GRTP1: variants seen among roughly 807,000 people sequenced by gnomAD.
GRTP1 encodes growth hormone-regulated TBC protein 1.
Under a neutral mutation model 38.1 loss-of-function variants are expected in GRTP1, and 56 were observed. The ratio of observed to expected loss-of-function variants is 1.47; its 90% CI spans 1.19 to 1.84. The LOEUF is 1.84. Among genes scored for constraint, GRTP1 ranks in the 40% most tolerant of loss-of-function variants. GRTP1 has a pLI of 0.00. For missense variants in GRTP1, 506 were observed against 453.9 expected (o/e 1.11, Z -1.04); for synonymous variants, 217 against 189.5 (o/e 1.14, Z -1.19).
intron 5 of GRTP1, among the ~76,000 whole-genome samples, chr13:113,338,907 G>T (rs1028323235): frequency 4.6e-5 from 5 of 109,344 alleles, no homozygotes; most frequent in African/African-American, 1.5e-4. Context: ...TTTCTGCTTA[G>T]ATTTTTTTTT....
chr13:113,353,670 G>A (rs1409658494), intron 3 of GRTP1, among the ~76,000 whole-genome samples: 7 of 152,164 alleles, frequency 4.6e-5, no homozygotes, highest in Non-Finnish European at 1.0e-4. Flanking sequence ...GCCAGGGGCT[G>A]GGTGAGGACA....
At chr13:113,326,148 C>A (rs1048071703) in intron 5 of GRTP1, 57 bp from the exon 6 acceptor site, 3 of 1,586,484 alleles carry the variant, frequency 1.9e-6, no homozygotes, top group Non-Finnish European at 8.5e-7. Context: ...CCACAAGCCC[C>A]ATTCCCCTCA....
chr13:113,354,418 C>T (rs941216662), intron 3 of GRTP1, among the ~76,000 whole-genome samples: 2 of 152,172 alleles, frequency 1.3e-5, no homozygotes, highest in Non-Finnish European at 2.9e-5. Context: ...TTTAAAGCCA[C>T]TGGGTTTTTT....
chr13:113,346,490 G>GAGA (rs2043138149), intron 4 of GRTP1, among the ~76,000 whole-genome samples: 1 of 8,308 alleles, frequency 1.2e-4, no homozygotes, highest in African/African-American at 1.3e-4. Flanking sequence ...CTCTGTGCCT[G>GAGA]ACAGTGGACC....
rs9577231 is a variant in GRTP1, at chr13:113,325,069, A to G, written c.922-492T>C. The G allele has an allele frequency of 2.6e-3, 2,474 of 953,132 alleles. 133 individuals are homozygous for G. The East Asian group carries it at 0.14, about 54-fold the overall frequency. The allele number at this position is 953,132 out of a possible 1,614,324, so 59.0% of individuals were successfully genotyped here. A position where few individuals can be genotyped will look rare whatever the true frequency, so the allele number is the denominator to read the frequency against. On this transcript the variant is annotated intron_variant, in intron 7 of 7. Transcript: ENST00000375431. The stretch of plus-strand genomic sequence containing the variant: ...GGTCTTGAACTCCTGACCTCAGGTG[A>G]TCCACACGCCTTGGCCTCCCAAAGT...
Position 113,348,794 on chromosome 13 carries a change from G to C in GRTP1, c.465+2055C>G, listed in dbSNP as rs930108045. On this transcript the variant is annotated intron_variant, in intron 4 of 7. Coordinates refer to ENST00000375431, the MANE Select transcript of GRTP1 (RefSeq NM_024719.4). The surrounding 1 kb of genome is among the most constrained non-coding windows in gnomAD (Gnocchi z 4.8). ...GGACAGTCCGTCCGTCACAGCCTCAGAAAGAACCCGCCCCGCAGACGCCGC... is the reference window on the plus strand; with the variant it reads ...GGACAGTCCGTCCGTCACAGCCTCACAAAGAACCCGCCCCGCAGACGCCGC... 6.6e-6 allele frequency among the ~76,000 whole-genome samples: 1 copy of C among 152,180 alleles called. No individual in the cohort carries two copies. The highest frequency in any genetic ancestry group is 2.4e-5 in the African/African-American group (1 of 41,444).
chr13:113,325,833 A>C lies in GRTP1; in HGVS notation c.749T>G (p.Ile250Ser). Residue 250 changes from isoleucine to serine, a missense_variant, in exon 7 of 8, where the codon ATC (isoleucine) becomes AGC (serine). Physicochemically the swap from Ile to Ser is moderately radical, Grantham distance 142 (BLOSUM62 -2). Transcript: ENST00000375431. Reference protein sequence around the residue: ...DILPVETVLRIWDCLFNEGSK... With the variant: ...DILPVETVLRSWDCLFNEGSK... ...GCCTTCGTTAAACAAACAGTCCCAG[A>C]TCCGAAGCACTGTCTGCAGAGACAT... The C allele has an allele frequency of 1.2e-6, 2 of 1,613,996 alleles. No individual in the cohort carries two copies. Among genetic ancestry groups the C allele is most frequent in the Non-Finnish European group, 1.7e-6 (2 of 1,179,952 alleles).
intron 5 of GRTP1, among the ~76,000 whole-genome samples, chr13:113,332,865 C>T (rs895821935): frequency 1.3e-5 from 2 of 152,224 alleles, no homozygotes; most frequent in Non-Finnish European, 2.9e-5. Context: ...AAGAGGCTCC[C>T]GCTGGCCACA....
chr13:113,327,747 C>G (rs1464811265), intron 5 of GRTP1, among the ~76,000 whole-genome samples: 1 of 152,206 alleles, frequency 6.6e-6, no homozygotes, highest in Non-Finnish European at 1.5e-5. Flanking sequence ...TGAGCACATA[C>G]CGTTCCAGCT....
At chr13:113,326,272 G>A (rs113680829) in intron 5 of GRTP1, among the ~76,000 whole-genome samples, 181 bp from the exon 6 acceptor site, 4,452 of 151,320 alleles carry the variant, frequency 0.029, 144 homozygotes, top group East Asian at 0.12. Flanking sequence ...CATGGGGAGC[G>A]ACCCCCACAG....
At chr13:113,363,326 G>A (rs939844068) in intron 2 of GRTP1, among the ~76,000 whole-genome samples, 32 of 152,348 alleles carry the variant, frequency 2.1e-4, no homozygotes, top group African/African-American at 7.7e-4. Context: ...TCCTGCCTCA[G>A]CCTCCAGAGT....
rs2043113344 is a variant in GRTP1, at chr13:113,346,131, GACAAGAGCAGACCCGGGAGGACCT to G, written c.466-1196_466-1173del. The stretch of plus-strand genomic sequence containing the variant: ...GAACAGACCCGGGAGGACCTCTGTG[GACAAGAGCAGACCCGGGAGGACCT>G]CTGTGCCTGACAGTGGACCCGGGAG... On this transcript the variant is annotated intron_variant, in intron 4 of 7. Transcript: ENST00000375431. Among the ~76,000 whole-genome samples, 5 of 130,234 alleles carry G rather than the reference GACAAGAGCAGACCCGGGAGGACCT, an allele frequency of 3.8e-5. 1 individual carries two copies. The highest frequency in any genetic ancestry group is 2.6e-4 in the East Asian group (1 of 3,782). 85.4% of individuals were successfully genotyped at this position (130,234 alleles called of 152,430 possible).
intron 4 of GRTP1, among the ~76,000 whole-genome samples, chr13:113,347,572 A>AGGAGGACCTCTGTGGCTGAGCGGATCTG (rs2043179057): frequency 1.1e-4 from 2 of 17,978 alleles, no homozygotes; most frequent in African/African-American, 3.6e-4. Flanking sequence ...GAGCAGACCC[A>AGGAGGACCTCTGTGGCTGAGCGGATCTG]GGAGGACCTC....
At chr13:113,359,271 CTG>C (rs1320556758) in intron 2 of GRTP1, among the ~76,000 whole-genome samples, 1 of 152,208 alleles carries the variant, frequency 6.6e-6, no homozygotes, top group Non-Finnish European at 1.5e-5. Context: ...AGAATCTTGA[CTG>C]TGGTGATGAC....
At chr13:113,362,081 A>T (rs926051375) in intron 2 of GRTP1, among the ~76,000 whole-genome samples, 3 of 152,108 alleles carry the variant, frequency 2.0e-5, no homozygotes, top group African/African-American at 7.2e-5. Context: ...CCCAGGAGGC[A>T]GAGGTTGCAA....
At chr13:113,344,768 C>T in intron 5 of GRTP1, 95 bp downstream of exon 5, 3 of 698,008 alleles carry the variant, frequency 4.3e-6, no homozygotes, top group Non-Finnish European at 6.6e-6. Flanking sequence ...AACAATTCAA[C>T]CATGTTTTAA....
chr13:113,344,712 C>CA (rs11444762), intron 5 of GRTP1, 151 bp downstream of exon 5: 77,988 of 194,740 alleles, frequency 0.4, 19,045 homozygotes, highest in African/African-American at 0.7. Flanking sequence ...GACTCCGTCT[C>CA]AAAAAAAAAA....
chr13:113,330,770 A>G (rs1566415669), intron 5 of GRTP1, among the ~76,000 whole-genome samples: 22 of 194 alleles, frequency 0.11, 11 homozygotes, highest in South Asian at 1. Flanking sequence ...GTGCGTGGAA[A>G]CTCAGGTGCG....
At chr13:113,324,804 GA>G in intron 7 of GRTP1, 1 of 1,261,324 alleles carries the variant, frequency 7.9e-7, no homozygotes, top group South Asian at 2.4e-5. Flanking sequence ...AACGGTGGAA[GA>G]AAAGGCCATC....
Sources: allele counts gnomAD v4.1 joint callset (sites outside exome capture counted in the v4.1 genomes callset), GRCh38; gene constraint gnomAD v4.1.1; non-coding constraint Gnocchi (gnomAD v3.1); transcripts MANE v1.5; gene names NCBI Gene and HGNC (gene_info 2026-07-23, HGNC 2026-07-21).